CNTLN: variants seen among roughly 807,000 people sequenced by gnomAD.
CNTLN encodes the protein centlein.
In CNTLN, 212 loss-of-function variants were observed where a neutral mutation model predicts 180.0. The observed-to-expected ratio is 1.18, with a 90% CI of 1.05 to 1.32. CNTLN has a LOEUF of 1.32. CNTLN is among the 40% of genes most tolerant of loss of function. The pLI is 0.00. For missense variants in CNTLN, 2,095 were observed against 1,610.9 expected (o/e 1.30, Z -5.14); for synonymous variants, 722 against 563.1 (o/e 1.28, Z -3.99).
intron 2 of CNTLN, among the ~76,000 whole-genome samples, chr9:17,176,958 T>C (rs1820755586): frequency 6.6e-6 from 1 of 152,220 alleles, no homozygotes; most frequent in South Asian, 2.1e-4. Context: ...GTCTTTTCCC[T>C]ATTTTTTTCC....
chr9:17,436,689 T>C (rs1339175220), intron 18 of CNTLN, among the ~76,000 whole-genome samples: 1 of 152,218 alleles, frequency 6.6e-6, no homozygotes, highest in Non-Finnish European at 1.5e-5. Context: ...TATTTGTCCT[T>C]GGTTTATATT....
chr9:17,179,243 CAAAAAAAAAAAA>C (rs775986829), intron 2 of CNTLN, among the ~76,000 whole-genome samples: 1 of 62,226 alleles, frequency 1.6e-5, no homozygotes, highest in Non-Finnish European at 3.6e-5. Flanking sequence ...GACTCCGTCT[CAAAAAAAAAAAA>C]AAAAAAAAGA....
intron 25 of CNTLN, among the ~76,000 whole-genome samples, chr9:17,491,156 G>T (rs55659957): frequency 0.02 from 3,090 of 151,994 alleles, 124 homozygotes; most frequent in African/African-American, 0.072. Context: ...ACAGTCCTTT[G>T]CACTTGTGAC....
intron 16 of CNTLN, among the ~76,000 whole-genome samples, chr9:17,412,628 A>T (rs889530900): frequency 2.0e-5 from 3 of 152,200 alleles, no homozygotes; most frequent in Admixed American, 2.0e-4. Context: ...TTTGTGTTAG[A>T]TGATTTTGCC....
intron 12 of CNTLN, among the ~76,000 whole-genome samples, chr9:17,351,921 T>A (rs867301899): frequency 6.6e-6 from 1 of 152,286 alleles, no homozygotes; most frequent in African/African-American, 2.4e-5. Context: ...TTCCCTTTTG[T>A]TTCATATCTA....
At chr9:17,277,371 C>G (rs184759840) in intron 6 of CNTLN, among the ~76,000 whole-genome samples, 3 of 152,176 alleles carry the variant, frequency 2.0e-5, no homozygotes, top group African/African-American at 7.2e-5. Context: ...TTCAGAAAAT[C>G]TTCAGACAGA....
intron 2 of CNTLN, among the ~76,000 whole-genome samples, chr9:17,155,980 G>A (rs575868729): frequency 5.3e-5 from 8 of 152,250 alleles, no homozygotes; most frequent in African/African-American, 1.9e-4. Context: ...CCTTAGGTAG[G>A]GGAGAAAATT....
chr9:17,182,083 G>C (rs548736330), intron 2 of CNTLN, among the ~76,000 whole-genome samples: 39 of 152,230 alleles, frequency 2.6e-4, no homozygotes, highest in African/African-American at 9.1e-4. Context: ...GGAGGCTGGG[G>C]AGCCTCATTA....
At chr9:17,186,566 G>C (rs1240966043) in intron 2 of CNTLN, among the ~76,000 whole-genome samples, 2 of 152,018 alleles carry the variant, frequency 1.3e-5, no homozygotes, top group Non-Finnish European at 2.9e-5. Flanking sequence ...TTAATAGTAG[G>C]TGCTCACTTC....
chr9:17,426,289 G>T (rs921363033), intron 18 of CNTLN, among the ~76,000 whole-genome samples: 1 of 152,126 alleles, frequency 6.6e-6, no homozygotes, highest in Non-Finnish European at 1.5e-5. Flanking sequence ...CTCCCATCAC[G>T]GGCCCAGAGT....
chr9:17,299,429 G>A (rs1818193980), intron 7 of CNTLN: 1 of 971,602 alleles, frequency 1.0e-6, no homozygotes, highest in South Asian at 4.8e-5. Flanking sequence ...TAGAATTACT[G>A]GATTTTTACT....
intron 12 of CNTLN, among the ~76,000 whole-genome samples, chr9:17,360,742 T>C (rs1389110926): frequency 6.6e-6 from 1 of 152,238 alleles, no homozygotes; most frequent in Non-Finnish European, 1.5e-5. Flanking sequence ...TTCTGGTATT[T>C]ATTTTTAATT....
intron 2 of CNTLN, among the ~76,000 whole-genome samples, chr9:17,202,818 G>A (rs948078344): frequency 2.6e-5 from 4 of 151,780 alleles, no homozygotes; most frequent in African/African-American, 9.7e-5. Context: ...TTTAACTGAG[G>A]CATTTAGCCC....
At position 17,273,843 on chromosome 9, in the gene CNTLN, G is replaced by A. The variant is rs748159148; in HGVS notation, c.960G>A (p.Lys320=). 3 of 1,562,804 alleles carry A rather than the reference G, an allele frequency of 1.9e-6. No homozygotes were observed. Among genetic ancestry groups the A allele is most frequent in the Admixed American group, 2.1e-5 (1 of 48,472 alleles). Residue 320 remains lysine, a synonymous_variant, in exon 6 of 26, where the codon AAG becomes AAA. Transcript: ENST00000380647. The stretch of plus-strand genomic sequence containing the variant: ...ATAAACAGACTGAACTTATCCAGAA[G>A]GATATGGATATTACCCTGGTCAGGC... The part of the protein sequence containing the change: ...LSNKQTELIQ[K]DMDITLVRKE...
chr9:17,518,735 T>A, the CNTLN span, among the ~76,000 whole-genome samples: 1 of 152,160 alleles, frequency 6.6e-6, no homozygotes, highest in Non-Finnish European at 1.5e-5. Flanking sequence ...CACCTTCCAG[T>A]AGAAGCTTTG....
chr9:17,185,043 T>G (rs1451675602), intron 2 of CNTLN, among the ~76,000 whole-genome samples: 1 of 152,224 alleles, frequency 6.6e-6, no homozygotes, highest in Non-Finnish European at 1.5e-5. Flanking sequence ...GAATAGAATA[T>G]TCTAGCCAAA....
intron 8 of CNTLN, among the ~76,000 whole-genome samples, chr9:17,318,501 AAAGTTAG>A (rs1819687152): frequency 6.6e-6 from 1 of 152,220 alleles, no homozygotes; most frequent in African/African-American, 2.4e-5. Flanking sequence ...TAAATAATTC[AAAGTTAG>A]AATGCATAAA....
At chr9:17,143,797 C>A (rs1368381285) in intron 2 of CNTLN, among the ~76,000 whole-genome samples, 1 of 152,190 alleles carries the variant, frequency 6.6e-6, no homozygotes, top group Non-Finnish European at 1.5e-5. Context: ...CGGGGATGAC[C>A]TTGCCAGTGT....
intron 6 of CNTLN, among the ~76,000 whole-genome samples, chr9:17,291,532 T>C (rs1829407245): frequency 1.3e-5 from 2 of 152,226 alleles, no homozygotes; most frequent in Admixed American, 1.3e-4. Context: ...GCAGTTCACA[T>C]TGAATTGAAC....
Sources: allele counts gnomAD v4.1 joint callset (sites outside exome capture counted in the v4.1 genomes callset), GRCh38; gene constraint gnomAD v4.1.1; transcripts MANE v1.5; gene names NCBI Gene and HGNC (gene_info 2026-07-23, HGNC 2026-07-21).